PRKCE: variants seen among roughly 807,000 people sequenced by gnomAD.
PRKCE encodes the protein protein kinase C epsilon type.
Under a neutral mutation model 85.4 loss-of-function variants are expected in PRKCE, and 16 were observed. The ratio of observed to expected loss-of-function variants is 0.19; its 90% CI spans 0.13 to 0.28. The LOEUF (loss-of-function observed/expected upper bound fraction) is 0.28. Among genes scored for constraint, PRKCE ranks in the 10% least tolerant of loss-of-function variants. PRKCE has a pLI of 1.00. For missense variants in PRKCE, 573 were observed against 975.2 expected, an observed-to-expected ratio of 0.59 and a Z score of 5.49; for synonymous variants, 388 against 371.5, an observed-to-expected ratio of 1.04 and a Z score of -0.51.
intron 1 of PRKCE, among the ~76,000 whole-genome samples, chr2:45,834,563 A>G (rs978889080): frequency 6.6e-6 from 1 of 151,948 alleles, no homozygotes; most frequent in African/African-American, 2.4e-5. Context: ...ATAAGGACGT[A>G]TGTGCAGATC....
At chr2:46,169,845 A>G (rs1201356019) in intron 14 of PRKCE, among the ~76,000 whole-genome samples, 6 of 152,168 alleles carry the variant, frequency 3.9e-5, no homozygotes, top group Admixed American at 3.9e-4. Flanking sequence ...GTGGCACTTC[A>G]GATTGAAGCA....
chr2:46,014,169 A>C (rs1215733947), intron 10 of PRKCE, among the ~76,000 whole-genome samples: 3 of 152,240 alleles, frequency 2.0e-5, no homozygotes, highest in Non-Finnish European at 4.4e-5. Context: ...ACAGAACAAC[A>C]AATTAAGCCA....
In PRKCE at chr2:46,086,268, C is replaced by T. The variant is rs1304555744; in HGVS notation, c.1498C>T (p.Arg500Cys). The change falls in exon 11 of 15, where the codon CGC becomes TGC. Residue 500 changes from arginine (R) to cysteine (C), a missense_variant. Coordinates refer to ENST00000306156, the MANE Select transcript of PRKCE (RefSeq NM_005400.3). ...TGGAGACCTCATGTTTCAGATTCAG[C>T]GCTCCCGAAAATTCGACGAGCCTCG... ...NGGDLMFQIQ[R>C]SRKFDEPRSR... is the part of the protein sequence containing the mutation. 6.3e-6 allele frequency: 10 copies of T among 1,599,526 alleles called. No individual in the cohort carries two copies. Among genetic ancestry groups the T allele is most frequent in the Non-Finnish European group, 6.8e-6 (8 of 1,179,918 alleles).
chr2:45,867,992 T>G lies in PRKCE; in HGVS notation c.412+24929T>G, dbSNP rs1383182864. 2.0e-5 allele frequency among the ~76,000 whole-genome samples: 3 copies of G among 152,234 alleles called. No individual in the cohort carries two copies. In the East Asian group the frequency reaches 5.8e-4, roughly 29 times the overall value. ...TTGAAGTTTTTAAAAAGAGGGCGTA[T>G]CATTGTTTTGATGCCTCATTCCCGC... On this transcript the variant is annotated intron_variant, in intron 2 of 14. Transcript: ENST00000306156.
Position 46,019,849 on chromosome 2 carries a change from T to C in PRKCE, c.1437+9332T>C, listed in dbSNP as rs1414341343. Among the ~76,000 whole-genome samples, 10 of 80,680 alleles carry C rather than the reference T, an allele frequency of 1.2e-4. No individual in the cohort carries two copies. In the South Asian group the frequency reaches 1.6e-3, roughly 13 times the overall value. 52.9% of individuals were successfully genotyped at this position (80,680 alleles called of 152,430 possible). A position where few individuals can be genotyped will look rare whatever the true frequency, so the allele number is the denominator to read the frequency against. On this transcript the variant is annotated intron_variant, in intron 10 of 14. Coordinates refer to ENST00000306156, the MANE Select transcript of PRKCE (RefSeq NM_005400.3). ...TCTTGTAAAGCTGTTGGTTTTCTCT[T>C]TTTTTTTTTTTTTTTTTTTGAGACG...
At chr2:46,141,144 G>A (rs1558496424) in intron 11 of PRKCE, among the ~76,000 whole-genome samples, 2 of 148,270 alleles carry the variant, frequency 1.3e-5, no homozygotes, top group African/African-American at 2.7e-5. Flanking sequence ...TCTAGGAAAT[G>A]TGTATAGTTA....
intron 7 of PRKCE, among the ~76,000 whole-genome samples, chr2:46,003,719 C>G: frequency 6.6e-6 from 1 of 152,042 alleles, no homozygotes; most frequent in East Asian, 1.9e-4. Flanking sequence ...TGGAGGGGGA[C>G]GTTATGGAAG....
At chr2:45,711,396 C>A (rs1360017099) in intron 1 of PRKCE, among the ~76,000 whole-genome samples, 1 of 152,204 alleles carries the variant, frequency 6.6e-6, no homozygotes, top group East Asian at 1.9e-4. Flanking sequence ...TACCTATGAC[C>A]TGGGTGACCT....
At chr2:45,992,042 A>G (rs80204580) in intron 6 of PRKCE, among the ~76,000 whole-genome samples, 4,602 of 152,320 alleles carry the variant, frequency 0.03, 91 homozygotes, top group Middle Eastern at 0.055. Flanking sequence ...TTAGTTCTCT[A>G]GAAACTTGCA....
At chr2:46,084,718 CAAAAAAAA>C (rs11314680) in intron 10 of PRKCE, among the ~76,000 whole-genome samples, 1 of 92,234 alleles carries the variant, frequency 1.1e-5, no homozygotes, top group Non-Finnish European at 2.1e-5. Flanking sequence ...GAGACTCCAT[CAAAAAAAA>C]AAAAAAAAAA....
intron 1 of PRKCE, among the ~76,000 whole-genome samples, chr2:45,661,530 G>GTTTTTTGTTTTTTTT (rs1675651490): frequency 9.5e-6 from 1 of 104,816 alleles, no homozygotes; most frequent in African/African-American, 3.5e-5. Flanking sequence ...TTTGTTTTTT[G>GTTTTTTGTTTTTTTT]TTTTTTTTTT....
At chr2:45,807,823 T>A (rs1318423306) in intron 1 of PRKCE, among the ~76,000 whole-genome samples, 1 of 152,114 alleles carries the variant, frequency 6.6e-6, no homozygotes, top group Non-Finnish European at 1.5e-5. Flanking sequence ...CAGGTGATCC[T>A]GCTGTGAGCT....
chr2:45,824,218 A>G (rs1350704392), intron 1 of PRKCE, among the ~76,000 whole-genome samples: 1 of 152,252 alleles, frequency 6.6e-6, no homozygotes, highest in Non-Finnish European at 1.5e-5. Flanking sequence ...TGTTAACACA[A>G]TTAGTTCCAT....
At chr2:46,143,142 A>G (rs1675725069) in intron 11 of PRKCE, among the ~76,000 whole-genome samples, 1 of 152,166 alleles carries the variant, frequency 6.6e-6, no homozygotes, top group African/African-American at 2.4e-5. Flanking sequence ...TAGTTGCCAC[A>G]TGTGCTCCTC....
intron 2 of PRKCE, among the ~76,000 whole-genome samples, chr2:45,856,591 T>C (rs761297768): frequency 6.6e-6 from 1 of 152,220 alleles, no homozygotes; most frequent in Non-Finnish European, 1.5e-5. Flanking sequence ...TCTTGATATA[T>C]ACGACACATT....
At chr2:46,056,910 T>A (rs1462396364) in intron 10 of PRKCE, among the ~76,000 whole-genome samples, 2 of 152,244 alleles carry the variant, frequency 1.3e-5, no homozygotes, top group Non-Finnish European at 2.9e-5. Context: ...GGATCACTAT[T>A]GCTACAAAAG....
chr2:45,714,832 G>A (rs185697224), intron 1 of PRKCE, among the ~76,000 whole-genome samples: 10 of 152,272 alleles, frequency 6.6e-5, no homozygotes, highest in Non-Finnish European at 8.8e-5. Flanking sequence ...TGTATCCCTC[G>A]GAACCAAGGT....
At chr2:45,660,605 A>G (rs917897092) in intron 1 of PRKCE, among the ~76,000 whole-genome samples, 7 of 152,230 alleles carry the variant, frequency 4.6e-5, no homozygotes, top group African/African-American at 1.7e-4. Context: ...GAACTCATAG[A>G]GCTATTGAAG....
intron 9 of PRKCE, 152 bp from the exon 10 acceptor site, chr2:46,010,192 A>G: frequency 2.5e-6 from 2 of 811,518 alleles, no homozygotes; most frequent in Non-Finnish European, 3.6e-6. Flanking sequence ...CCTCCCAAGT[A>G]TCTTGGGTGC....
Sources: allele counts gnomAD v4.1 joint callset (sites outside exome capture counted in the v4.1 genomes callset), GRCh38; gene constraint gnomAD v4.1.1; transcripts MANE v1.5; gene names NCBI Gene and HGNC (gene_info 2026-07-23, HGNC 2026-07-21).